Variants in MYH9 observed in about 807,000 individuals in gnomAD.
MYH9 encodes the protein myosin-9.
A neutral mutation model predicts 241.9 loss-of-function variants in MYH9; 29 were observed. The observed-to-expected ratio is 0.12, with a 90% CI of 0.09 to 0.16. MYH9 has a LOEUF of 0.16. Ranked by LOEUF, MYH9 falls within the 10% of genes least tolerant of loss-of-function variation. The pLI, the probability that MYH9 is intolerant of heterozygous loss-of-function variation, is 1.00. For synonymous variants in MYH9, 1,047 were observed against 1,062.6 expected (o/e 0.99, Z 0.29); for missense variants, 1,803 against 2,595.5 (o/e 0.69, Z 6.63).
chr22:36,317,539 T>C (rs2017177855), intron 11 of MYH9, among the ~76,000 whole-genome samples: 1 of 152,216 alleles, frequency 6.6e-6, no homozygotes, highest in Non-Finnish European at 1.5e-5. Context: ...GAAACAGCCG[T>C]GAGCTGTCAG....
chr22:36,302,582 G>A lies in MYH9; in HGVS notation c.2485C>T (p.Arg829Trp), dbSNP rs2016896786. Residue 829 changes from arginine to tryptophan, a missense_variant, in exon 20 of 41, where the codon CGG becomes TGG. This residue lies in a region of MYH9 where 13 missense variants were observed against 43.8 expected (regional missense o/e 0.30). Coordinates refer to ENST00000216181, the MANE Select transcript of MYH9 (RefSeq NM_002473.6). ...YLKLRNWQWW[R>W]LFTKVKPLLQ... ...CTAGCACGCACCTTGGTGAAGAGCC[G>A]CCACCACTGCCAGTTCCGCAGCTTC... is the stretch of plus-strand genomic sequence containing the variant. The A allele has an allele frequency of 6.2e-7, 1 of 1,612,920 alleles. No homozygotes were observed. Among genetic ancestry groups the A allele is most frequent in the African/African-American group, 1.3e-5 (1 of 74,924 alleles).
At position 36,356,710 on chromosome 22, in the gene MYH9, C is replaced by G. The variant is rs1185953772; in HGVS notation, c.-19-7455G>C. On this transcript the variant is annotated intron_variant, in intron 1 of 40. Transcript: ENST00000216181. ...ATAGAGAATCCACATGCAAAAAAAT[C>G]ATGACAAAGGCATAAAGATCCCAGG... 1.3e-5 allele frequency among the ~76,000 whole-genome samples: 2 copies of G among 149,922 alleles called. 1 individual carries two copies. Among genetic ancestry groups the G allele is most frequent in the African/African-American group, 4.9e-5 (2 of 40,874 alleles).
chr22:36,286,200 G>A (rs1162362614), intron 35 of MYH9, among the ~76,000 whole-genome samples: 1 of 152,236 alleles, frequency 6.6e-6, no homozygotes, highest in East Asian at 1.9e-4. Context: ...ATGGCGATAA[G>A]TAAGAAGTGT....
intron 1 of MYH9, among the ~76,000 whole-genome samples, chr22:36,351,088 C>T (rs2017758420): frequency 6.6e-6 from 1 of 152,226 alleles, no homozygotes; most frequent in Non-Finnish European, 1.5e-5. Context: ...AAAATCTAGG[C>T]TGACCAGAAC....
chr22:36,330,812 C>T lies in MYH9; in HGVS notation c.491-3324G>A, dbSNP rs188599017. On this transcript the variant is annotated intron_variant, in intron 3 of 40. Coordinates refer to ENST00000216181, the MANE Select transcript of MYH9 (RefSeq NM_002473.6). The surrounding 1 kb of genome is among the most constrained non-coding windows in gnomAD (Gnocchi z 4.5). ...TGAAAACGCCCTTCCTTCCTCTAAA[C>T]GGGAGGAGGCCGCCAGGGACAAGCC... 1.1e-3 allele frequency among the ~76,000 whole-genome samples: 163 copies of T among 152,100 alleles called. No homozygotes were observed. Among genetic ancestry groups the T allele is most frequent in the Non-Finnish European group, 1.6e-3 (112 of 67,980 alleles).
chr22:36,282,756 C>T lies in MYH9; in HGVS notation c.5795G>A (p.Arg1932His), dbSNP rs1291058743. 5 of 1,612,944 alleles carry T rather than the reference C, an allele frequency of 3.1e-6. No individual in the cohort carries two copies. Among genetic ancestry groups the T allele is most frequent in the Middle Eastern group, 1.7e-4 (1 of 6,054 alleles). Residue 1932 changes from arginine to histidine, a missense_variant, in exon 41 of 41, where the codon CGC becomes CAC. Physicochemically the swap from Arg to His is conservative, Grantham distance 29. This residue lies in a region of MYH9 where 876 missense variants were observed against 1,077.8 expected (regional missense o/e 0.81). Transcript: ENST00000216181. ...RRGDLPFVVP[R>H]RMARKGAGDG... is the part of the protein sequence containing the mutation. ...CCCGGCGCCTTTCCGGGCCATTCGG[C>T]GGGGCACGACAAACGGCAGGTCCCC... is the stretch of plus-strand genomic sequence containing the variant.
chr22:36,293,920 C>A lies in MYH9; in HGVS notation c.3838-57G>T. 1 of 1,518,504 alleles carries A rather than the reference C, an allele frequency of 6.6e-7. No homozygotes were observed. The highest frequency in any genetic ancestry group is 9.0e-7 in the Non-Finnish European group (1 of 1,105,688). 94.1% of individuals were successfully genotyped at this position (1,518,504 alleles called of 1,614,324 possible). On this transcript the variant is annotated intron_variant, in intron 28 of 40. Transcript: ENST00000216181. This position sits in a 1 kb window ranked among gnomAD's most constrained non-coding sequence, Gnocchi z 5.1. ...GGACCCACCCCCACTGCTCCTGCCC[C>A]ACCTCATCTCCTTTAGGTAAAGCTG...
intron 20 of MYH9, chr22:36,302,350 A>G: frequency 4.1e-6 from 2 of 492,650 alleles, no homozygotes; most frequent in Non-Finnish European, 7.5e-6. Flanking sequence ...CCTTGTCTCT[A>G]CTAAAAATCA....
At chr22:36,292,551 C>A (rs1372815356) in intron 30 of MYH9, among the ~76,000 whole-genome samples, 1 of 152,218 alleles carries the variant, frequency 6.6e-6, no homozygotes, top group Non-Finnish European at 1.5e-5. Flanking sequence ...AGGGCCAGTG[C>A]CCTGTAGGGT....
Position 36,341,425 on chromosome 22 carries a change from C to A in MYH9, c.435G>T (p.Glu145Asp), listed in dbSNP as rs1457631648. The part of the protein sequence containing the change: ...VEMYKGKKRH[E>D]MPPHIYAITD... ...TGATGGCATAGATGTGAGGGGGCAT[C>A]TCGTGCCTCTTCTTGCCCTTGTACA... Residue 145 changes from glutamate to aspartate, a missense_variant, in exon 3 of 41, where the codon GAG becomes GAT. This residue lies in a region of MYH9 where 72 missense variants were observed against 134.3 expected (regional missense o/e 0.54). Coordinates refer to ENST00000216181, the MANE Select transcript of MYH9 (RefSeq NM_002473.6). 6.2e-7 allele frequency: 1 copy of A among 1,614,076 alleles called. No homozygotes were observed. Among genetic ancestry groups the A allele is most frequent in the Non-Finnish European group, 8.5e-7 (1 of 1,180,032 alleles).
chr22:36,298,476 C>T (rs752651961), intron 24 of MYH9, among the ~76,000 whole-genome samples: 3 of 152,212 alleles, frequency 2.0e-5, no homozygotes, highest in Non-Finnish European at 4.4e-5. Flanking sequence ...CTCACAGACA[C>T]CCTAGCACTG....
intron 1 of MYH9, among the ~76,000 whole-genome samples, chr22:36,384,598 AAAAAAAAAAAAAAATATATATATAT>A (rs1267675933): frequency 4.4e-5 from 2 of 44,944 alleles, no homozygotes; most frequent in East Asian, 5.3e-4. Flanking sequence ...AAAAAAAAAA[AAAAAAAAAAAAAAATATATATATAT>A]ATATATATAT....
intron 39 of MYH9, 63 bp downstream of exon 39, chr22:36,284,336 CCCTG>C: frequency 2.5e-6 from 4 of 1,604,976 alleles, no homozygotes; most frequent in Non-Finnish European, 2.5e-6. Context: ...AGCCCCACTG[CCCTG>C]CCTGTCACCC....
intron 1 of MYH9, among the ~76,000 whole-genome samples, chr22:36,358,385 G>A (rs541582028): frequency 6.6e-6 from 1 of 152,288 alleles, no homozygotes; most frequent in East Asian, 1.9e-4. Flanking sequence ...TTATTGAATA[G>A]TTTTGGCAAA....
chr22:36,359,143 G>A (rs1016761233), intron 1 of MYH9, among the ~76,000 whole-genome samples: 1 of 152,138 alleles, frequency 6.6e-6, no homozygotes, highest in Non-Finnish European at 1.5e-5. Context: ...TGGCCCTCCC[G>A]TCTGTGCTCT....
chr22:36,323,514 A>T (rs2017288537), intron 5 of MYH9, among the ~76,000 whole-genome samples: 1 of 152,204 alleles, frequency 6.6e-6, no homozygotes, highest in South Asian at 2.1e-4. Flanking sequence ...GACTGGAGGC[A>T]AGCCAGGGTT....
chr22:36,376,622 A>G (rs1241140756), intron 1 of MYH9, among the ~76,000 whole-genome samples: 1 of 152,068 alleles, frequency 6.6e-6, no homozygotes, highest in Non-Finnish European at 1.5e-5. Flanking sequence ...TGGTTCTTAA[A>G]TATAAAAAAT....
chr22:36,286,139 T>C, intron 35 of MYH9, 186 bp from the exon 36 acceptor site: 1 of 639,444 alleles, frequency 1.6e-6, no homozygotes, highest in Admixed American at 2.5e-5. Flanking sequence ...ACACCATATG[T>C]TTATAAAACT....
chr22:36,321,995 G>GGA, intron 6 of MYH9, 174 bp from the exon 7 acceptor site: 2 of 658,862 alleles, frequency 3.0e-6, no homozygotes, highest in South Asian at 3.3e-5. Context: ...ACACCACACG[G>GGA]GACCTCGGGA....
Sources: allele counts gnomAD v4.1 joint callset (sites outside exome capture counted in the v4.1 genomes callset), GRCh38; gene constraint gnomAD v4.1.1; regional missense constraint gnomAD v4.1.1; non-coding constraint Gnocchi (gnomAD v3.1); transcripts MANE v1.5; gene names NCBI Gene and HGNC (gene_info 2026-07-23, HGNC 2026-07-21).